Variants in DPP10 observed in about 807,000 individuals in gnomAD.
The protein encoded by DPP10 is inactive dipeptidyl peptidase 10.
Under a neutral mutation model 120.9 loss-of-function variants are expected in DPP10, and 33 were observed. The ratio of observed to expected loss-of-function variants is 0.27; its 90% CI spans 0.21 to 0.37. The LOEUF (loss-of-function observed/expected upper bound fraction) is 0.37. DPP10 is among the 10% of genes least tolerant of loss of function. The pLI is 1.00. For missense variants in DPP10, 816 were observed against 942.8 expected (o/e 0.87, Z 1.76); for synonymous variants, 337 against 326.1 (o/e 1.03, Z -0.36).
chr2:114,916,082 A>G (rs1694782548), intron 1 of DPP10, among the ~76,000 whole-genome samples: 1 of 152,168 alleles, frequency 6.6e-6, no homozygotes, highest in Non-Finnish European at 1.5e-5. Flanking sequence ...ACAATTAGCT[A>G]GACTAATAAA....
intron 5 of DPP10, among the ~76,000 whole-genome samples, chr2:115,548,580 G>C (rs1247098323): frequency 6.6e-6 from 1 of 151,986 alleles, no homozygotes; most frequent in Non-Finnish European, 1.5e-5. Flanking sequence ...CAGATTTCAA[G>C]ACCCATTATT....
intron 3 of DPP10, among the ~76,000 whole-genome samples, chr2:115,394,360 G>A (rs1175092749): frequency 6.7e-6 from 1 of 149,596 alleles, no homozygotes; most frequent in African/African-American, 2.5e-5. Context: ...TAAAGCCCAG[G>A]TTTCTGTTCT....
chr2:115,553,976 C>T (rs192902532), intron 5 of DPP10, among the ~76,000 whole-genome samples: 156 of 142,212 alleles, frequency 1.1e-3, no homozygotes, highest in Non-Finnish European at 1.9e-3. Context: ...TTCTAAGCTC[C>T]GACACCTATC....
At chr2:114,634,556 G>A (rs1264489813) in intron 1 of DPP10, among the ~76,000 whole-genome samples, 1 of 151,810 alleles carries the variant, frequency 6.6e-6, no homozygotes, top group Non-Finnish European at 1.5e-5. Flanking sequence ...AGACTGTGGG[G>A]GAAGACAGGC....
chr2:114,959,030 G>T (rs1227342834), intron 1 of DPP10, among the ~76,000 whole-genome samples: 2 of 151,998 alleles, frequency 1.3e-5, no homozygotes, highest in Non-Finnish European at 2.9e-5. Context: ...TTGGTTGTTT[G>T]TTTGTTTGGT....
chr2:115,544,723 CAT>C (rs1392422550), intron 5 of DPP10, among the ~76,000 whole-genome samples: 1 of 151,990 alleles, frequency 6.6e-6, no homozygotes, highest in African/African-American at 2.4e-5. Flanking sequence ...GGCAACATAA[CAT>C]ATGGCATTCA....
intron 3 of DPP10, among the ~76,000 whole-genome samples, chr2:115,419,307 C>T (rs904112963): frequency 5.3e-5 from 8 of 152,226 alleles, no homozygotes; most frequent in East Asian, 1.9e-4. Flanking sequence ...CTCCTGGTTC[C>T]GCAGACTGTA....
intron 5 of DPP10, among the ~76,000 whole-genome samples, chr2:115,573,391 T>C (rs372113040): frequency 1.4e-5 from 2 of 146,666 alleles, no homozygotes; most frequent in East Asian, 4.2e-4. Context: ...CACGCCATTC[T>C]CCTGCCTCAG....
At chr2:115,464,064 C>T (rs1013724189) in intron 3 of DPP10, among the ~76,000 whole-genome samples, 4 of 152,020 alleles carry the variant, frequency 2.6e-5, no homozygotes, top group African/African-American at 9.7e-5. Context: ...CTCTGAATCA[C>T]GGCTTCAATT....
chr2:114,843,120 A>C (rs1688287428), intron 1 of DPP10, among the ~76,000 whole-genome samples: 1 of 152,156 alleles, frequency 6.6e-6, no homozygotes, highest in Non-Finnish European at 1.5e-5. Context: ...ACCTAATGGC[A>C]TTTGCCATCT....
rs79081556 is a variant in DPP10, at chr2:115,433,388, G to A, written c.272-66122G>A. Among the ~76,000 whole-genome samples, 1,157 of 151,830 alleles carry A rather than the reference G, an allele frequency of 7.6e-3. 20 individuals are homozygous for A. Among genetic ancestry groups the A allele is most frequent in the African/African-American group, 0.027 (1,113 of 41,454 alleles). ...ATTATCTTAATAATTCTATATTCAG[G>A]CAGGGCTACTTTAGCTATTTGTGTG... On this transcript the variant is annotated intron_variant, in intron 3 of 25. Coordinates refer to ENST00000410059, the MANE Select transcript of DPP10 (RefSeq NM_020868.6).
intron 1 of DPP10, among the ~76,000 whole-genome samples, chr2:115,015,803 G>A (rs776670017): frequency 5.3e-5 from 8 of 152,094 alleles, no homozygotes; most frequent in Non-Finnish European, 4.4e-5. Context: ...GGATGTGAAG[G>A]ACCTCTTCAA....
intron 1 of DPP10, among the ~76,000 whole-genome samples, chr2:115,280,334 A>G (rs1182066031): frequency 6.6e-6 from 1 of 152,184 alleles, no homozygotes; most frequent in Admixed American, 6.5e-5. Flanking sequence ...AAAAATGAAT[A>G]TATTGGAAGC....
At chr2:114,461,823 A>G (rs1014896052) in intron 1 of DPP10, 1 of 985,288 alleles carries the variant, frequency 1.0e-6, no homozygotes, top group African/African-American at 1.7e-5. Flanking sequence ...CATACCAAAT[A>G]TGATAGAAGA....
At chr2:115,774,375 G>A (rs998815223) in intron 13 of DPP10, among the ~76,000 whole-genome samples, 2 of 151,696 alleles carry the variant, frequency 1.3e-5, no homozygotes, top group East Asian at 1.9e-4. Flanking sequence ...TCTTGAAATT[G>A]GCATCAAAGA....
At chr2:115,138,445 T>C (rs893541137) in intron 1 of DPP10, among the ~76,000 whole-genome samples, 1 of 152,238 alleles carries the variant, frequency 6.6e-6, no homozygotes, top group Non-Finnish European at 1.5e-5. Flanking sequence ...GATTTGCATT[T>C]GTGTTGAAAC....
intron 1 of DPP10, among the ~76,000 whole-genome samples, chr2:115,107,851 A>G (rs1340747876): frequency 6.6e-6 from 1 of 152,132 alleles, no homozygotes; most frequent in East Asian, 1.9e-4. Flanking sequence ...TTAAAACAAG[A>G]CATTATCTTT....
chr2:114,829,120 C>A (rs1686836063), intron 1 of DPP10, among the ~76,000 whole-genome samples: 1 of 151,842 alleles, frequency 6.6e-6, no homozygotes. Context: ...AACCCCATCT[C>A]TACTAAAAAA....
At chr2:115,210,705 A>T (rs575243510) in intron 1 of DPP10, among the ~76,000 whole-genome samples, 6 of 152,006 alleles carry the variant, frequency 3.9e-5, no homozygotes, top group Admixed American at 3.9e-4. Context: ...TTTAATGATC[A>T]CCATTCTAAC....
Sources: gnomAD v4.1 joint callset for allele counts (sites outside exome capture counted in the v4.1 genomes callset) on GRCh38, gnomAD v4.1.1 for gene constraint, MANE v1.5 for transcripts, NCBI Gene and HGNC (gene_info 2026-07-23, HGNC 2026-07-21) for gene names.